SNTG2: variants seen among roughly 807,000 people sequenced by gnomAD.
The protein encoded by SNTG2 is gamma-2-syntrophin.
A neutral mutation model predicts 70.9 loss-of-function variants in SNTG2; 74 were observed. The ratio of observed to expected loss-of-function variants is 1.04; its 90% confidence interval spans 0.86 to 1.27. The LOEUF (loss-of-function observed/expected upper bound fraction) is 1.27, where lower values mean the gene tolerates loss of function less well. Among genes scored for constraint, SNTG2 ranks in the 50% most tolerant of loss-of-function variants. The pLI is 0.00. For missense variants in SNTG2, 717 were observed against 690.7 expected, an observed-to-expected ratio of 1.04 and a Z score of -0.43; for synonymous variants, 278 against 273.8, an observed-to-expected ratio of 1.02 and a Z score of -0.15.
At chr2:1,303,914 T>C (rs754330119) in intron 14 of SNTG2, among the ~76,000 whole-genome samples, 7 of 152,202 alleles carry the variant, frequency 4.6e-5, no homozygotes, top group Non-Finnish European at 8.8e-5. Context: ...TCCATCACTG[T>C]AGAGTCTTTG....
chr2:1,283,762 C>G (rs1679654941), intron 14 of SNTG2, among the ~76,000 whole-genome samples: 1 of 152,194 alleles, frequency 6.6e-6, no homozygotes, highest in East Asian at 1.9e-4. Flanking sequence ...CATTCGTATC[C>G]TGCTCCTGCA....
At chr2:1,284,733 C>T (rs1679698261) in intron 14 of SNTG2, among the ~76,000 whole-genome samples, 1 of 152,006 alleles carries the variant, frequency 6.6e-6, no homozygotes, top group Admixed American at 6.6e-5. Context: ...ACTAAATCAC[C>T]AATTCTAAAT....
At chr2:1,033,053 G>T (rs1265443848) in intron 1 of SNTG2, among the ~76,000 whole-genome samples, 1 of 152,084 alleles carries the variant, frequency 6.6e-6, no homozygotes. Flanking sequence ...ATCTTGAGAG[G>T]ACTCACTCAC....
intron 4 of SNTG2, among the ~76,000 whole-genome samples, chr2:1,122,137 A>C (rs576152259): frequency 2.2e-4 from 33 of 152,360 alleles, no homozygotes; most frequent in Non-Finnish European, 3.1e-4. Flanking sequence ...AAAAGAAAGC[A>C]TGGGACCAGA....
At chr2:1,020,938 T>C (rs547203788) in intron 1 of SNTG2, among the ~76,000 whole-genome samples, 1 of 152,346 alleles carries the variant, frequency 6.6e-6, no homozygotes, top group Admixed American at 6.5e-5. Context: ...GAGTCAATTA[T>C]TTCATTGAAC....
chr2:1,196,741 G>GA (rs987542689), intron 8 of SNTG2, among the ~76,000 whole-genome samples: 7 of 151,636 alleles, frequency 4.6e-5, no homozygotes, highest in Non-Finnish European at 5.9e-5. Context: ...AGTACTAAAA[G>GA]AAAAAAAACA....
At chr2:1,082,529 C>T (rs1360862324) in intron 1 of SNTG2, among the ~76,000 whole-genome samples, 2 of 152,202 alleles carry the variant, frequency 1.3e-5, no homozygotes, top group Non-Finnish European at 1.5e-5. Context: ...TTGATTAGCA[C>T]TGGGGCTCTA....
chr2:1,172,691 G>A (rs1341972318), intron 7 of SNTG2, among the ~76,000 whole-genome samples: 1 of 152,118 alleles, frequency 6.6e-6, no homozygotes, highest in African/African-American at 2.4e-5. Context: ...TATTGTCTCT[G>A]GAAAAAACCT....
intron 1 of SNTG2, among the ~76,000 whole-genome samples, chr2:1,062,015 CATA>C (rs1246742848): frequency 6.6e-6 from 1 of 152,014 alleles, no homozygotes; most frequent in Non-Finnish European, 1.5e-5. Flanking sequence ...TGGAATTAGA[CATA>C]AGAGGCCTTT....
Position 1,223,970 on chromosome 2 carries a change from G to A in SNTG2, c.720-13918G>A, listed in dbSNP as rs1229237434. 2.6e-5 allele frequency among the ~76,000 whole-genome samples: 4 copies of A among 152,214 alleles called. No individual in the cohort carries two copies. The East Asian group carries it at 5.8e-4, about 22-fold the overall frequency. On this transcript the variant is annotated intron_variant, in intron 9 of 16. Transcript: ENST00000308624. ...GGGTGGCCTTATGCAGCAGGCATGC[G>A]TCCCTCGAGCTCTGAAGGCTGCAAG...
chr2:1,309,542 C>A (rs1480175852), intron 15 of SNTG2, among the ~76,000 whole-genome samples: 1 of 152,218 alleles, frequency 6.6e-6, no homozygotes, highest in Non-Finnish European at 1.5e-5. Flanking sequence ...CTGCTGATAT[C>A]CAGGGCACCT....
intron 6 of SNTG2, among the ~76,000 whole-genome samples, chr2:1,144,293 A>G (rs780938166): frequency 6.6e-6 from 1 of 152,198 alleles, no homozygotes; most frequent in South Asian, 2.1e-4. Flanking sequence ...CTGGCCAGAA[A>G]TGGATAGACC....
chr2:1,063,243 G>A (rs892844605), intron 1 of SNTG2, among the ~76,000 whole-genome samples: 2 of 152,174 alleles, frequency 1.3e-5, no homozygotes, highest in African/African-American at 4.8e-5. Context: ...CGGTGATGCT[G>A]CCGGGCTCCT....
intron 1 of SNTG2, among the ~76,000 whole-genome samples, chr2:1,020,406 CAG>C (rs1283125380): frequency 2.6e-5 from 4 of 152,210 alleles, no homozygotes; most frequent in African/African-American, 9.6e-5. Context: ...CAACCATCAG[CAG>C]GCAGGCCACG....
chr2:1,121,471 A>G (rs1480581435), intron 4 of SNTG2, among the ~76,000 whole-genome samples: 1 of 152,204 alleles, frequency 6.6e-6, no homozygotes, highest in Non-Finnish European at 1.5e-5. Flanking sequence ...TTTTAAAAAA[A>G]AATAAAATTG....
At chr2:1,218,220 T>A (rs1674524895) in intron 9 of SNTG2, among the ~76,000 whole-genome samples, 1 of 152,118 alleles carries the variant, frequency 6.6e-6, no homozygotes, top group Admixed American at 6.6e-5. Context: ...TAAAGGGCCA[T>A]GTGTTCAGGC....
At chr2:1,111,353 AGAAGCTG>A (rs1454775494) in intron 4 of SNTG2, among the ~76,000 whole-genome samples, 3 of 152,210 alleles carry the variant, frequency 2.0e-5, no homozygotes, top group Non-Finnish European at 4.4e-5. Context: ...CCTCCTCAGG[AGAAGCTG>A]GAAGCAGGAA....
intron 1 of SNTG2, among the ~76,000 whole-genome samples, chr2:1,060,481 C>T (rs1662743867): frequency 6.6e-6 from 1 of 152,132 alleles, no homozygotes; most frequent in African/African-American, 2.4e-5. Context: ...AACCCCAGCT[C>T]CCGGCTTTGG....
intron 1 of SNTG2, among the ~76,000 whole-genome samples, chr2:1,077,957 T>G (rs1339089212): frequency 1.3e-5 from 2 of 152,192 alleles, no homozygotes; most frequent in Admixed American, 1.3e-4. Context: ...CCTCACTGTT[T>G]TGCGGCTGCT....
Sources: allele counts gnomAD v4.1 joint callset (sites outside exome capture counted in the v4.1 genomes callset), GRCh38; gene constraint gnomAD v4.1.1; transcripts MANE v1.5; gene names NCBI Gene and HGNC (gene_info 2026-07-23, HGNC 2026-07-21).